Variants in DLGAP2 observed in about 807,000 individuals in gnomAD.
DLGAP2 encodes disks large-associated protein 2.
In DLGAP2, 26 loss-of-function variants were observed where a neutral mutation model predicts 100.3. That is an observed-to-expected ratio of 0.26 (90% confidence interval 0.19 to 0.36). The LOEUF is 0.36. DLGAP2 is among the 10% of genes least tolerant of loss of function. The pLI, the probability that DLGAP2 is intolerant of heterozygous loss-of-function variation, is 1.00. For missense variants in DLGAP2, 1,858 were observed against 1,453.2 expected (o/e 1.28, Z -4.53); for synonymous variants, 886 against 630.1 (o/e 1.41, Z -6.08).
chr8:1,372,215 TG>T (rs1165941890), intron 3 of DLGAP2, among the ~76,000 whole-genome samples: 7 of 87,998 alleles, frequency 8.0e-5, no homozygotes, highest in Admixed American at 7.6e-4. Context: ...CTGCCAACGC[TG>T]GGACGCTGGT....
At chr8:1,520,486 AC>A (rs1800556133) in intron 4 of DLGAP2, among the ~76,000 whole-genome samples, 1 of 152,132 alleles carries the variant, frequency 6.6e-6, no homozygotes, top group Admixed American at 6.5e-5. Flanking sequence ...GGCATGGTCC[AC>A]CCTGTGGGTT....
chr8:1,080,252 C>A (rs1803759219), intron 2 of DLGAP2, among the ~76,000 whole-genome samples: 1 of 152,202 alleles, frequency 6.6e-6, no homozygotes, highest in Non-Finnish European at 1.5e-5. Context: ...GTAGAGTCTC[C>A]AGGGTGTGAT....
intron 1 of DLGAP2, 24 bp from the exon 2 acceptor site, chr8:907,888 T>C (rs1798412832): frequency 7.5e-6 from 3 of 398,732 alleles, no homozygotes; most frequent in Non-Finnish European, 1.3e-5. Context: ...AACAAATGTA[T>C]TTTATTTATT....
chr8:1,551,068 T>A (rs1801749124), intron 5 of DLGAP2, among the ~76,000 whole-genome samples: 1 of 152,248 alleles, frequency 6.6e-6, no homozygotes, highest in Non-Finnish European at 1.5e-5. Flanking sequence ...CACCATCAGG[T>A]CCAGCGTCCA....
chr8:1,010,901 T>A (rs1458243270), intron 2 of DLGAP2, among the ~76,000 whole-genome samples: 1 of 147,108 alleles, frequency 6.8e-6, no homozygotes, highest in African/African-American at 2.5e-5. Flanking sequence ...GAGGGGCCCC[T>A]CAGTCTACAC....
At chr8:1,624,465 A>G (rs1471524695) in intron 6 of DLGAP2, among the ~76,000 whole-genome samples, 1 of 151,910 alleles carries the variant, frequency 6.6e-6, no homozygotes, top group Non-Finnish European at 1.5e-5. Context: ...ACGTGGACAC[A>G]TTCAAAGGAA....
At chr8:1,501,549 G>A in intron 4 of DLGAP2, 118 bp downstream of exon 4, 1 of 1,055,440 alleles carries the variant, frequency 9.5e-7, no homozygotes, top group South Asian at 1.5e-5. Flanking sequence ...TAGAAAGGGA[G>A]CTAAGAAGAA....
At chr8:941,143 A>G (rs1174880185) in intron 2 of DLGAP2, among the ~76,000 whole-genome samples, 3 of 151,992 alleles carry the variant, frequency 2.0e-5, no homozygotes, top group East Asian at 1.9e-4. Context: ...GGGTCGTGGG[A>G]TGCTGCTGTC....
Position 1,568,593 on chromosome 8 carries a change from C to T in DLGAP2, c.1442+2699C>T, listed in dbSNP as rs1175361680. On this transcript the variant is annotated intron_variant, in intron 6 of 14. Transcript: ENST00000637795. Reference sequence around the variant, plus strand: ...CAGCAGACACAAATCCGTCTCTGCCCGTGGCCCCCATGCCACTGTTCACTC... The same window carrying T: ...CAGCAGACACAAATCCGTCTCTGCCTGTGGCCCCCATGCCACTGTTCACTC... Among the ~76,000 whole-genome samples the T allele has an allele frequency of 9.9e-5, 13 of 131,110 alleles. 1 individual carries two copies. Among genetic ancestry groups the T allele is most frequent in the East Asian group, 7.5e-4 (3 of 3,982 alleles). 86.0% of individuals were successfully genotyped at this position (131,110 alleles called of 152,430 possible).
intron 1 of DLGAP2, among the ~76,000 whole-genome samples, chr8:761,547 G>T (rs146838506): frequency 0.011 from 1,681 of 152,374 alleles, 10 homozygotes; most frequent in Non-Finnish European, 0.017. Flanking sequence ...ACAAGTGGAC[G>T]TGTGGCTGAA....
intron 9 of DLGAP2, 83 bp from the exon 10 acceptor site, chr8:1,669,660 G>T: frequency 3.9e-6 from 3 of 776,924 alleles, no homozygotes; most frequent in South Asian, 2.7e-5. Context: ...CTAGGCATGC[G>T]GGCGGAGAGA....
intron 8 of DLGAP2, among the ~76,000 whole-genome samples, chr8:1,663,567 G>A (rs188092457): frequency 3.9e-4 from 60 of 152,300 alleles, no homozygotes; most frequent in African/African-American, 1.4e-3. Context: ...AGAAAGAAGT[G>A]TGTGAGATTT....
chr8:1,515,998 AGAATGAGTGAGTGAGTGCAT>A (rs774152180), intron 4 of DLGAP2, among the ~76,000 whole-genome samples: 5 of 139,126 alleles, frequency 3.6e-5, no homozygotes, highest in Admixed American at 1.5e-4. Flanking sequence ...TTACTGAGTG[AGAATGAGTGAGTGAGTGCAT>A]GAATGAGTGA....
intron 3 of DLGAP2, among the ~76,000 whole-genome samples, chr8:1,454,539 T>C (rs1798251593): frequency 6.6e-6 from 1 of 152,152 alleles, no homozygotes; most frequent in South Asian, 2.1e-4. Context: ...TGCTTCCTCC[T>C]GGGTGGGTTG....
At chr8:1,208,120 C>G (rs1021877495) in intron 2 of DLGAP2, among the ~76,000 whole-genome samples, 4 of 152,134 alleles carry the variant, frequency 2.6e-5, no homozygotes, top group Non-Finnish European at 4.4e-5. Context: ...TGGGTTCTTG[C>G]TCATGAAGTA....
chr8:1,660,176 C>A (rs1031305740), intron 8 of DLGAP2, among the ~76,000 whole-genome samples: 3 of 152,196 alleles, frequency 2.0e-5, no homozygotes, highest in Admixed American at 6.5e-5. Flanking sequence ...GGCCCCCACT[C>A]TCTTCTGGCT....
intron 3 of DLGAP2, among the ~76,000 whole-genome samples, chr8:1,382,836 T>G (rs1796127547): frequency 6.6e-6 from 1 of 152,184 alleles, no homozygotes; most frequent in South Asian, 2.1e-4. Context: ...GAGGACTGGT[T>G]GAATAAACTT....
chr8:1,389,989 C>G (rs1229439858), intron 3 of DLGAP2, among the ~76,000 whole-genome samples: 1 of 152,164 alleles, frequency 6.6e-6, no homozygotes, highest in Non-Finnish European at 1.5e-5. Flanking sequence ...ACCGCAGGCT[C>G]TCGTCTGCAC....
At chr8:977,640 CCTT>C (rs1469198274) in intron 2 of DLGAP2, among the ~76,000 whole-genome samples, 2 of 152,200 alleles carry the variant, frequency 1.3e-5, no homozygotes, top group African/African-American at 2.4e-5. Context: ...ATAAAACTGT[CCTT>C]CTTTGTGAAA....
Sources: allele counts gnomAD v4.1 joint callset (sites outside exome capture counted in the v4.1 genomes callset), GRCh38; gene constraint gnomAD v4.1.1; transcripts MANE v1.5; gene names NCBI Gene and HGNC (gene_info 2026-07-23, HGNC 2026-07-21).